The following NRP1 variants were observed in gnomAD, a reference collection of about 807,000 sequenced individuals.
NRP1 encodes neuropilin 1.
A neutral mutation model predicts 106.7 loss-of-function variants in NRP1; 35 were observed. That is an observed-to-expected ratio of 0.33 (90% CI 0.25 to 0.43). NRP1 has a LOEUF of 0.43. Among genes scored for constraint, NRP1 ranks in the 20% least tolerant of loss-of-function variants. The probability of loss-of-function intolerance (pLI) is 1.00; values close to 1 mark genes in which losing one functional copy is unlikely to be tolerated. For synonymous variants in NRP1, 437 were observed against 417.9 expected (o/e 1.05, Z -0.56); for missense variants, 1,024 against 1,170.4 (o/e 0.87, Z 1.83).
intron 2 of NRP1, among the ~76,000 whole-genome samples, chr10:33,303,073 C>G (rs1845917818): frequency 6.6e-6 from 1 of 152,134 alleles, no homozygotes; most frequent in South Asian, 2.1e-4. Context: ...AAAAGCTGTC[C>G]CTCAAGAGTC....
At chr10:33,259,455 T>C (rs1271123267) in intron 4 of NRP1, among the ~76,000 whole-genome samples, 1 of 152,202 alleles carries the variant, frequency 6.6e-6, no homozygotes. Context: ...ATCCGTCTCG[T>C]GTGTGTGCTC....
intron 2 of NRP1, among the ~76,000 whole-genome samples, chr10:33,320,199 G>C (rs1030345821): frequency 3.3e-5 from 5 of 151,900 alleles, no homozygotes; most frequent in Non-Finnish European, 5.9e-5. Context: ...TGTAGTCCCA[G>C]CTACTTGGGA....
At chr10:33,207,401 T>C (rs890753185) in intron 10 of NRP1, among the ~76,000 whole-genome samples, 171 bp downstream of exon 10, 2 of 151,914 alleles carry the variant, frequency 1.3e-5, no homozygotes, top group African/African-American at 2.4e-5. Context: ...GTGAAGGTGC[T>C]GCCTTGTGAC....
In NRP1 at chr10:33,182,745, G is replaced by C; in HGVS notation, c.2435C>G (p.Pro812Arg). 6.2e-7 allele frequency: 1 copy of C among 1,612,214 alleles called. No homozygotes were observed. The highest frequency in any genetic ancestry group is 8.5e-7 in the Non-Finnish European group (1 of 1,179,190). ...NHISQEDCAK[P>R]ADLDKKNPEI... is the part of the protein sequence containing the mutation. ...TGGGTTCTTTTTATCCAGGTCTGCT[G>C]GTTCTGACAAGTCAAACAAAATTGA... Residue 812 changes from proline to arginine, a missense_variant, in exon 16 of 17, where the codon CCA (proline) becomes CGA (arginine). This residue lies in a region of NRP1 where 164 missense variants were observed against 161.4 expected (regional missense o/e 1.02). Coordinates refer to ENST00000374867, the MANE Select transcript of NRP1 (RefSeq NM_003873.7).
Position 33,220,275 on chromosome 10 carries a change from C to T in NRP1, c.1282+1444G>A, listed in dbSNP as rs529648996. Among the ~76,000 whole-genome samples, 22 of 151,990 alleles carry T rather than the reference C, an allele frequency of 1.4e-4. No homozygotes were observed. The South Asian group carries it at 2.9e-3, about 20-fold the overall frequency. On this transcript the variant is annotated intron_variant, in intron 8 of 16. Transcript: ENST00000374867. Reference sequence around the variant, plus strand: ...AAGTGATTTTTTTTCCTTCCAAAGTCGGTATCATTCTCCTCTAAAAATAAT... The same window carrying T: ...AAGTGATTTTTTTTCCTTCCAAAGTTGGTATCATTCTCCTCTAAAAATAAT...
At chr10:33,286,884 T>G (rs1385090953) in intron 2 of NRP1, among the ~76,000 whole-genome samples, 1 of 152,184 alleles carries the variant, frequency 6.6e-6, no homozygotes. Flanking sequence ...ATAATAAGAT[T>G]ATTGCTGCAC....
At chr10:33,267,531 C>A (rs974376556) in intron 3 of NRP1, among the ~76,000 whole-genome samples, 2 of 152,152 alleles carry the variant, frequency 1.3e-5, no homozygotes, top group Admixed American at 1.3e-4. Flanking sequence ...TGCACAAACT[C>A]TCAATCACAT....
intron 2 of NRP1, among the ~76,000 whole-genome samples, chr10:33,286,126 T>C (rs1266286635): frequency 1.3e-5 from 2 of 152,214 alleles, no homozygotes; most frequent in Admixed American, 6.5e-5. Context: ...TCTAATTTTA[T>C]GGTATTATGA....
rs561669987 is a variant in NRP1, at chr10:33,197,993, A to G, written c.1865-284T>C. ...AAGTTGTATATATTTATGGCATACA[A>G]CGTGATGTTTTGGTACACTTAGTGG... is the stretch of plus-strand genomic sequence containing the variant. On this transcript the variant is annotated intron_variant, in intron 11 of 16. Transcript: ENST00000374867. Among the ~76,000 whole-genome samples the G allele has an allele frequency of 2.0e-5, 3 of 151,850 alleles. No homozygotes were observed. The East Asian group carries it at 5.8e-4, about 29-fold the overall frequency.
chr10:33,200,372 G>A (rs1837195775), intron 11 of NRP1, among the ~76,000 whole-genome samples: 1 of 152,152 alleles, frequency 6.6e-6, no homozygotes, highest in South Asian at 2.1e-4. Context: ...TGGCTAGCAG[G>A]TCTGGGAGAG....
intron 6 of NRP1, among the ~76,000 whole-genome samples, chr10:33,235,941 T>G (rs1476796334): frequency 6.6e-6 from 1 of 152,240 alleles, no homozygotes; most frequent in African/African-American, 2.4e-5. Flanking sequence ...GATGAATACC[T>G]TGGAAACCTT....
intron 1 of NRP1, among the ~76,000 whole-genome samples, chr10:33,331,616 C>T (rs1848292034): frequency 6.6e-6 from 1 of 152,124 alleles, no homozygotes; most frequent in African/African-American, 2.4e-5. Context: ...GAAAAATAAC[C>T]CACCACACAG....
At chr10:33,286,076 C>A (rs959564403) in intron 2 of NRP1, among the ~76,000 whole-genome samples, 1 of 152,154 alleles carries the variant, frequency 6.6e-6, no homozygotes, top group African/African-American at 2.4e-5. Flanking sequence ...GACAGCCTTA[C>A]AGTTATCTGC....
chr10:33,316,574 A>C (rs933384855), intron 2 of NRP1, among the ~76,000 whole-genome samples: 1 of 152,220 alleles, frequency 6.6e-6, no homozygotes, highest in Non-Finnish European at 1.5e-5. Flanking sequence ...CAGAGGAAAA[A>C]TTCAGGGCAA....
chr10:33,207,315 T>C (rs1837865896), intron 10 of NRP1, among the ~76,000 whole-genome samples: 1 of 151,980 alleles, frequency 6.6e-6, no homozygotes, highest in Admixed American at 6.6e-5. Context: ...AAATTATCTT[T>C]TTTTTTAAGT....
intron 2 of NRP1, among the ~76,000 whole-genome samples, chr10:33,293,151 T>G (rs934969304): frequency 6.6e-6 from 1 of 152,250 alleles, no homozygotes; most frequent in Non-Finnish European, 1.5e-5. Context: ...TCTACTTTTA[T>G]CTGGAATACT....
intron 2 of NRP1, among the ~76,000 whole-genome samples, chr10:33,311,326 T>C (rs1227453155): frequency 6.6e-6 from 1 of 152,154 alleles, no homozygotes; most frequent in African/African-American, 2.4e-5. Flanking sequence ...TTTATATGCG[T>C]CTTGTTTAGA....
At chr10:33,308,993 GT>G (rs1215971612) in intron 2 of NRP1, among the ~76,000 whole-genome samples, 1 of 151,976 alleles carries the variant, frequency 6.6e-6, no homozygotes, top group Non-Finnish European at 1.5e-5. Context: ...CCCAAATAAA[GT>G]TAGTACCCAT....
intron 16 of NRP1, among the ~76,000 whole-genome samples, chr10:33,180,849 G>T (rs1217766747): frequency 2.0e-5 from 3 of 152,174 alleles, no homozygotes; most frequent in African/African-American, 7.2e-5. Context: ...GCATGTGTTT[G>T]TTCTCCCATA....
Sources: gnomAD v4.1 joint callset for allele counts (sites outside exome capture counted in the v4.1 genomes callset) on GRCh38, gnomAD v4.1.1 for gene constraint, gnomAD v4.1.1 regional missense constraint, MANE v1.5 for transcripts, NCBI Gene and HGNC (gene_info 2026-07-23, HGNC 2026-07-21) for gene names.